AHNAK2: variants seen among roughly 807,000 people sequenced by gnomAD.
The protein encoded by AHNAK2 is protein AHNAK2.
A neutral mutation model predicts 30.7 loss-of-function variants in AHNAK2; 18 were observed. The observed-to-expected ratio is 0.59, with a 90% CI of 0.41 to 0.87. AHNAK2 has a LOEUF of 0.87. Ranked by LOEUF, AHNAK2 falls within the 40% of genes least tolerant of loss-of-function variation. The probability of loss-of-function intolerance (pLI) is 0.00; values close to 1 mark genes in which losing one functional copy is unlikely to be tolerated. For synonymous variants in AHNAK2, 3,590 were observed against 3,073.8 expected (o/e 1.17, Z -5.56); for missense variants, 8,604 against 7,373.0 (o/e 1.17, Z -6.11).
In AHNAK2 at chr14:104,945,337, C is replaced by T. The variant is rs967318044; in HGVS notation, c.10114G>A (p.Val3372Met). 4.3e-6 allele frequency: 7 copies of T among 1,612,606 alleles called. No individual in the cohort carries two copies. The East Asian group carries it at 8.9e-5, about 21-fold the overall frequency. Residue 3372 changes from valine to methionine, a missense_variant, in exon 7 of 7, where the codon GTG (valine) becomes ATG (methionine). Transcript: ENST00000333244. ...SVDLEVQAGQ[V>M]DVKLPEGHVP... ...TGGCCCTCCGGGAGCTTCACGTCCACCTGGCCAGCCTGGACCTCCAGGTCC... is the reference window on the plus strand; with the variant it reads ...TGGCCCTCCGGGAGCTTCACGTCCATCTGGCCAGCCTGGACCTCCAGGTCC...
chr14:104,942,089 C>G lies in AHNAK2; in HGVS notation c.13362G>C (p.Lys4454Asn). Residue 4454 changes from lysine to asparagine, a missense_variant, in exon 7 of 7, where the codon AAG (lysine) becomes AAC (asparagine). Lys to Asn is a moderately conservative substitution (Grantham distance 94). Transcript: ENST00000333244. ...ACTTGCTGTCTTTGGCAGTCACGTC[C>G]TTGTCAGCCAGGGACAGGTCCCCCT... is the stretch of plus-strand genomic sequence containing the variant. ...RLEGDLSLAD[K>N]DVTAKDSKFK... is the part of the protein sequence containing the mutation. 6.8e-6 allele frequency: 11 copies of G among 1,613,040 alleles called. No homozygotes were observed. The highest frequency in any genetic ancestry group is 1.7e-4 in the Middle Eastern group (1 of 6,058).
rs1233221939 is a variant in AHNAK2, at chr14:104,949,777, G to A, written c.5674C>T (p.Pro1892Ser). The change falls in exon 7 of 7, where the codon CCG becomes TCG. Residue 1892 changes from proline (P) to serine (S), a missense_variant. Transcript: ENST00000333244. Reference sequence around the variant, plus strand: ...GCTCCCTCGGGCACCTGGCCCTCCGGGAGCTTCATGTCCACTTGGCCAGCC... The same window carrying A: ...GCTCCCTCGGGCACCTGGCCCTCCGAGAGCTTCATGTCCACTTGGCCAGCC... ...VQAGQVDMKL[P>S]EGQVPEGAGL... The A allele has an allele frequency of 6.3e-7, 1 of 1,587,464 alleles. No individual in the cohort carries two copies. The highest frequency in any genetic ancestry group is 8.6e-7 in the Non-Finnish European group (1 of 1,163,194).
Position 104,954,368 on chromosome 14 carries a change from G to C in AHNAK2, c.1083C>G (p.Pro361=), listed in dbSNP as rs1453959689. The C allele has an allele frequency of 2.5e-6, 4 of 1,613,164 alleles. No individual in the cohort carries two copies. The African/African-American group carries it at 5.3e-5, about 22-fold the overall frequency. Residue 361 remains proline (P), a synonymous_variant, in exon 7 of 7, where the codon CCC becomes CCG. Transcript: ENST00000333244. This position sits in a 1 kb window ranked among gnomAD's most constrained non-coding sequence, Gnocchi z 4.3. ...CAGTCTCCTCGAGGCTATCACCCCA[G>C]GGCCCCAACTCTTCCAGGACCCCAG... is the stretch of plus-strand genomic sequence containing the variant. ...GRAGVLEELG[P]WGDSLEETGA...
At position 104,966,958 on chromosome 14, in the gene AHNAK2, T is replaced by C. The variant is rs1162622123; in HGVS notation, c.56-9286A>G. Reference sequence around the variant, plus strand: ...CTGAGGCTGGGGGAGGGGAGCCACTTACCCAAGGGGACCCAGCCAGTAGGT... The same window carrying C: ...CTGAGGCTGGGGGAGGGGAGCCACTCACCCAAGGGGACCCAGCCAGTAGGT... On this transcript the variant is annotated intron_variant, in intron 1 of 6. Transcript: ENST00000333244. The surrounding 1 kb of genome is among the most constrained non-coding windows in gnomAD (Gnocchi z 4.3). Among the ~76,000 whole-genome samples, 1 of 152,160 alleles carries C rather than the reference T, an allele frequency of 6.6e-6. No homozygotes were observed. The highest frequency in any genetic ancestry group is 1.5e-5 in the Non-Finnish European group (1 of 68,022).
intron 1 of AHNAK2, among the ~76,000 whole-genome samples, chr14:104,969,681 C>T (rs565647583): frequency 1.7e-4 from 26 of 152,316 alleles, no homozygotes; most frequent in Non-Finnish European, 3.2e-4. Context: ...GATGGGAGGG[C>T]AGCAGGTGGG....
intron 5 of AHNAK2, 55 bp downstream of exon 5, chr14:104,955,428 C>A: frequency 6.4e-7 from 1 of 1,558,220 alleles, no homozygotes; most frequent in Admixed American, 1.8e-5. Context: ...CCCTCCAGGT[C>A]CCTCCCATCC....
At position 104,978,283 on chromosome 14, in the gene AHNAK2, C is replaced by A; in HGVS notation, c.-46G>T. 1.2e-6 allele frequency: 1 copy of A among 859,396 alleles called. No homozygotes were observed. The highest frequency in any genetic ancestry group is 1.4e-6 in the Non-Finnish European group (1 of 694,078). 53.2% of individuals were successfully genotyped at this position (859,396 alleles called of 1,614,324 possible). Reference sequence around the variant, plus strand: ...GGCCTGGCGGCCCGTCGCGTCCAGTCGCTGGTCCCGGCTCCGGCGCACGGG... The same window carrying A: ...GGCCTGGCGGCCCGTCGCGTCCAGTAGCTGGTCCCGGCTCCGGCGCACGGG... On this transcript the variant is annotated 5_prime_UTR_variant, in exon 1 of 7. Coordinates refer to ENST00000333244, the MANE Select transcript of AHNAK2 (RefSeq NM_138420.4).
Position 104,953,001 on chromosome 14 carries a change from C to T in AHNAK2, c.2450G>A (p.Gly817Glu), listed in dbSNP as rs749687129. 6.2e-7 allele frequency: 1 copy of T among 1,612,510 alleles called. No homozygotes were observed. The highest frequency in any genetic ancestry group is 1.3e-5 in the African/African-American group (1 of 74,292). Residue 817 changes from glycine (G) to glutamate (E), a missense_variant, in exon 7 of 7, where the codon GGG becomes GAG. Gly to Glu is a moderately conservative substitution (Grantham distance 98). Coordinates refer to ENST00000333244, the MANE Select transcript of AHNAK2 (RefSeq NM_138420.4). ...CTCCTTGTCGGCCAGGGACAGGTCC[C>T]CCTCCAGCCGCGCACCATCCAGCTT... ...RAKLDGARLE[G>E]DLSLADKEVT...
intron 1 of AHNAK2, 130 bp from the exon 2 acceptor site, chr14:104,957,802 G>C (rs1899025152): frequency 1.1e-6 from 1 of 910,302 alleles, no homozygotes; most frequent in African/African-American, 1.6e-5. Flanking sequence ...GGATCGGAGA[G>C]CAAACTCAGG....
rs978048886 is a variant in AHNAK2 at position 104,950,102 on chromosome 14, C to T, written c.5349G>A (p.Glu1783=). The change falls in exon 7 of 7, where the codon GAG becomes GAA. Residue 1783 remains glutamate, a synonymous_variant. Transcript: ENST00000333244. ...CCACCTCCACGCTGGGCAGAGACAC[C>T]TCCACGTCGGGGGCCATCACCTCCG... is the stretch of plus-strand genomic sequence containing the variant. ...PKAEVMAPDV[E]VSLPSVEVDV... 1 of 1,587,254 alleles carries T rather than the reference C, an allele frequency of 6.3e-7. No individual in the cohort carries two copies. Among genetic ancestry groups the T allele is most frequent in the Admixed American group, 1.7e-5 (1 of 57,546 alleles).
chr14:104,954,192 T>G lies in AHNAK2; in HGVS notation c.1259A>C (p.His420Pro), dbSNP rs747585842. ...QEGGLRAARL[H>P]GKTLEGQAQE... ...TGCCTGCCCCTCCAGGGTCTTTCCA[T>G]GGAGCCTGGCTGCCCTGAGTCCCCC... Residue 420 changes from histidine to proline, a missense_variant, in exon 7 of 7, where the codon CAT (histidine) becomes CCT (proline). Physicochemically the swap from His to Pro is moderately conservative, Grantham distance 77. Transcript: ENST00000333244. This position sits in a 1 kb window ranked among gnomAD's most constrained non-coding sequence, Gnocchi z 4.3. The G allele has an allele frequency of 2.8e-5, 45 of 1,610,200 alleles. No homozygotes were observed. Among genetic ancestry groups the G allele is most frequent in the Non-Finnish European group, 3.7e-5 (44 of 1,179,734 alleles).
Position 104,939,547 on chromosome 14 carries a change from A to G in AHNAK2, c.15904T>C (p.Ser5302Pro). 6.2e-7 allele frequency: 1 copy of G among 1,613,846 alleles called. No individual in the cohort carries two copies. Among genetic ancestry groups the G allele is most frequent in the Non-Finnish European group, 8.5e-7 (1 of 1,179,888 alleles). ...ATCTGAAAAGGGAGAGGTCCTTTGG[A>G]TGGATGGATCCTGACCTCAGAAGTG... The part of the protein sequence containing the change: ...LSTSEVRIHP[S>P]KGPLPFQMPG... Residue 5302 changes from serine to proline, a missense_variant, in exon 7 of 7, where the codon TCC (serine) becomes CCC (proline). By Grantham distance (74) the Ser-to-Pro change is moderately conservative. Transcript: ENST00000333244.
rs1434512207 is a variant in AHNAK2 at position 104,949,619 on chromosome 14, G to C, written c.5832C>G (p.Ala1944=). ...DLKGPKAEVT[A]PDVEVSLPSM... Reference sequence around the variant, plus strand: ...TGGGCAGAGACACCTCGACATCGGGGGCTGTCACTTCCGCCTTGGGGCCTT... The same window carrying C: ...TGGGCAGAGACACCTCGACATCGGGCGCTGTCACTTCCGCCTTGGGGCCTT... The change falls in exon 7 of 7, where the codon GCC becomes GCG. Residue 1944 remains alanine (A), a synonymous_variant. Coordinates refer to ENST00000333244, the MANE Select transcript of AHNAK2 (RefSeq NM_138420.4). 3.8e-6 allele frequency: 6 copies of C among 1,588,834 alleles called. 1 individual carries two copies. The Admixed American group carries it at 6.9e-5, about 18-fold the overall frequency.
chr14:104,975,720 T>C (rs1045333692), intron 1 of AHNAK2, among the ~76,000 whole-genome samples: 4 of 152,236 alleles, frequency 2.6e-5, no homozygotes, highest in Non-Finnish European at 5.9e-5. Flanking sequence ...TCCCCCAGTG[T>C]AGATGACCCA....
Position 104,952,490 on chromosome 14 carries a change from G to A in AHNAK2, c.2961C>T (p.Ala987=), listed in dbSNP as rs371134105. The stretch of plus-strand genomic sequence containing the variant: ...TGTCTTTGGCAGTCACGTCCTTGTC[G>A]GCCAGGGACAGGTCCCCCTCCAGCC... The part of the protein sequence containing the change: ...GAWLEGDLSL[A]DKDVTAKDSK... The change falls in exon 7 of 7, where the codon GCC becomes GCT. Residue 987 remains alanine (A), a synonymous_variant. Transcript: ENST00000333244. The A allele has an allele frequency of 2.5e-5, 40 of 1,612,508 alleles. 1 individual carries two copies. The highest frequency in any genetic ancestry group is 2.3e-4 in the African/African-American group (17 of 74,258).
At position 104,945,595 on chromosome 14, in the gene AHNAK2, C is replaced by T. The variant is rs774293609; in HGVS notation, c.9856G>A (p.Asp3286Asn). The change falls in exon 7 of 7, where the codon GAT (aspartate) becomes AAT (asparagine). Residue 3286 changes from aspartate (D) to asparagine (N), a missense_variant. Asp to Asn is a conservative substitution (Grantham distance 23). Transcript: ENST00000333244. ...VDVEAPGAKLDGARLEGDLSL... is the reference protein window; with the variant it reads ...VDVEAPGAKLNGARLEGDLSL... The stretch of plus-strand genomic sequence containing the variant: ...AGGTCCCCCTCCAGCCGTGCACCAT[C>T]CAACTTGGCTCCTGGGGCCTCGACG... 24 of 1,605,850 alleles carry T rather than the reference C, an allele frequency of 1.5e-5. No homozygotes were observed. Among genetic ancestry groups the T allele is most frequent in the African/African-American group, 4.1e-5 (3 of 73,842 alleles).
At position 104,942,730 on chromosome 14, in the gene AHNAK2, G is replaced by A; in HGVS notation, c.12721C>T (p.Pro4241Ser). 6.2e-7 allele frequency: 1 copy of A among 1,613,196 alleles called. No individual in the cohort carries two copies. The highest frequency in any genetic ancestry group is 1.1e-5 in the South Asian group (1 of 91,052). Residue 4241 changes from proline to serine, a missense_variant, in exon 7 of 7, where the codon CCC (proline) becomes TCC (serine). By Grantham distance (74) the Pro-to-Ser change is moderately conservative. Coordinates refer to ENST00000333244, the MANE Select transcript of AHNAK2 (RefSeq NM_138420.4). ...LKGPQVDVKG[P>S]KLDLKGPKAD... Reference sequence around the variant, plus strand: ...TTGGGGCCTTTCAGGTCCAGCTTGGGGCCCTTGACATCCACCTGGGGGCCC... The same window carrying A: ...TTGGGGCCTTTCAGGTCCAGCTTGGAGCCCTTGACATCCACCTGGGGGCCC...
Position 104,948,009 on chromosome 14 carries a change from C to A in AHNAK2, c.7442G>T (p.Ser2481Ile). Residue 2481 changes from serine (S) to isoleucine (I), a missense_variant, in exon 7 of 7, where the codon AGC becomes ATC. Transcript: ENST00000333244. ...CTTGAACTTGGGAATTTTGAACCTG[C>A]TGTCTTTGGTAGTCACATCCTTGTC... is the stretch of plus-strand genomic sequence containing the variant. ...VADKDVTTKD[S>I]RFKIPKFKMP... The A allele has an allele frequency of 6.2e-7, 1 of 1,612,796 alleles. No individual in the cohort carries two copies. The highest frequency in any genetic ancestry group is 8.5e-7 in the Non-Finnish European group (1 of 1,179,640).
chr14:104,946,166 C>T lies in AHNAK2; in HGVS notation c.9285G>A (p.Thr3095=), dbSNP rs373511271. 2.9e-5 allele frequency: 46 copies of T among 1,611,938 alleles called. No homozygotes were observed. Among genetic ancestry groups the T allele is most frequent in the South Asian group, 2.5e-4 (23 of 90,952 alleles). The part of the protein sequence containing the change: ...GPKLDLKGPK[T]DVTAPDVEVS... ...CCTCCACGTCGGGGGCCGTCACGTC[C>T]GTCTTCGGGCCTTTCAGGTCCAGCT... The change falls in exon 7 of 7, where the codon ACG becomes ACA. Residue 3095 remains threonine (T), a synonymous_variant. Coordinates refer to ENST00000333244, the MANE Select transcript of AHNAK2 (RefSeq NM_138420.4).
Sources: allele counts gnomAD v4.1 joint callset (sites outside exome capture counted in the v4.1 genomes callset), GRCh38; gene constraint gnomAD v4.1.1; non-coding constraint Gnocchi (gnomAD v3.1); transcripts MANE v1.5; gene names NCBI Gene and HGNC (gene_info 2026-07-23, HGNC 2026-07-21).